PBX3: variants seen among roughly 807,000 people sequenced by gnomAD.
PBX3 encodes pre-B-cell leukemia transcription factor 3.
A neutral mutation model predicts 48.5 loss-of-function variants in PBX3; 14 were observed. The observed-to-expected ratio is 0.29, with a 90% CI of 0.19 to 0.45. PBX3 has a LOEUF of 0.45. PBX3 is among the 20% of genes least tolerant of loss of function. The probability of loss-of-function intolerance (pLI) is 1.00; values close to 1 mark genes in which losing one functional copy is unlikely to be tolerated. For missense variants in PBX3, 386 were observed against 546.7 expected (o/e 0.71, Z 2.93); for synonymous variants, 210 against 200.3 (o/e 1.05, Z -0.41).
Position 125,915,793 on chromosome 9 carries a change from G to C in PBX3, c.382G>C (p.Gly128Arg). The C allele has an allele frequency of 1.2e-6, 2 of 1,613,776 alleles. No homozygotes were observed. Among genetic ancestry groups the C allele is most frequent in the Non-Finnish European group, 1.7e-6 (2 of 1,179,950 alleles). ...GGTTTCAGGTCCTGAGAAAGGTGGG[G>C]GATCGGCGGCAGCAGCTGCAGCCGC... ...EGVSGPEKGG[G>R]SAAAAAAAAA... is the part of the protein sequence containing the mutation. The change falls in exon 3 of 9, where the codon GGA becomes CGA. Residue 128 changes from glycine (G) to arginine (R), a missense_variant. Physicochemically the swap from Gly to Arg is moderately radical, Grantham distance 125. Around this residue, in one of 4 missense-constraint regions of PBX3, gnomAD observed 69 missense variants for 99.1 expected, o/e 0.70. Coordinates refer to ENST00000373489, the MANE Select transcript of PBX3 (RefSeq NM_006195.6).
At position 125,840,781 on chromosome 9, in the gene PBX3, TTTC is replaced by T. The variant is rs555946375; in HGVS notation, c.275-74896_275-74894del. ...GTTTATGTTACAGAGTTATTTCTTCTTTCTTCTTCTTTCCTTTGAACCTCATTC... is the reference window on the plus strand; with the variant it reads ...GTTTATGTTACAGAGTTATTTCTTCTTTCTTCTTTCCTTTGAACCTCATTC... On this transcript the variant is annotated intron_variant, in intron 2 of 8. Transcript: ENST00000373489. 1.4e-3 allele frequency among the ~76,000 whole-genome samples: 216 copies of T among 152,166 alleles called. 2 individuals are homozygous for T. Among genetic ancestry groups the T allele is most frequent in the Non-Finnish European group, 2.2e-3 (152 of 67,940 alleles).
chr9:125,889,087 T>G (rs1443581842), intron 2 of PBX3, among the ~76,000 whole-genome samples: 3 of 152,158 alleles, frequency 2.0e-5, no homozygotes, highest in Non-Finnish European at 4.4e-5. Flanking sequence ...GGCCTTAACG[T>G]AATTTGGAAG....
intron 2 of PBX3, among the ~76,000 whole-genome samples, chr9:125,884,573 GC>G (rs1840455460): frequency 6.6e-6 from 1 of 152,168 alleles, no homozygotes; most frequent in Admixed American, 6.5e-5. Context: ...ATTACTAGTT[GC>G]CTTTCCCAGT....
intron 2 of PBX3, among the ~76,000 whole-genome samples, chr9:125,846,954 C>G (rs972472831): frequency 6.6e-6 from 1 of 151,354 alleles, no homozygotes; most frequent in African/African-American, 2.4e-5. Flanking sequence ...GTTGCTTGTC[C>G]TGTAAGTTCC....
At chr9:125,808,855 A>G (rs995895171) in intron 2 of PBX3, among the ~76,000 whole-genome samples, 2 of 152,142 alleles carry the variant, frequency 1.3e-5, no homozygotes, top group African/African-American at 4.8e-5. Flanking sequence ...TTGTTGATTC[A>G]TTAACATTGA....
chr9:125,914,955 C>G (rs991272219), intron 2 of PBX3, among the ~76,000 whole-genome samples: 3 of 152,178 alleles, frequency 2.0e-5, no homozygotes, highest in African/African-American at 2.4e-5. Flanking sequence ...TTAGGAAGTT[C>G]TTGATTTAAA....
At chr9:125,803,125 G>A (rs1203387872) in intron 2 of PBX3, among the ~76,000 whole-genome samples, 4 of 112,148 alleles carry the variant, frequency 3.6e-5, no homozygotes, top group African/African-American at 7.3e-5. Context: ...TCAGAGTCTC[G>A]CTGTGTCGCC....
chr9:125,867,787 T>C (rs1026511627), intron 2 of PBX3, among the ~76,000 whole-genome samples: 5 of 151,742 alleles, frequency 3.3e-5, no homozygotes, highest in African/African-American at 7.3e-5. Flanking sequence ...TACACACATA[T>C]ACACACACAT....
intron 3 of PBX3, among the ~76,000 whole-genome samples, chr9:125,922,590 ATATATCT>A (rs1201318154): frequency 1.3e-5 from 2 of 152,220 alleles, no homozygotes; most frequent in African/African-American, 2.4e-5. Flanking sequence ...GTCTATTTTA[ATATATCT>A]TATAGACATG....
At chr9:125,786,331 T>C (rs1445226846) in intron 2 of PBX3, among the ~76,000 whole-genome samples, 1 of 151,950 alleles carries the variant, frequency 6.6e-6, no homozygotes, top group Admixed American at 6.6e-5. Flanking sequence ...CATAGATGAG[T>C]TCACAGTAGA....
chr9:125,932,124 A>T (rs575630022), intron 4 of PBX3, among the ~76,000 whole-genome samples: 3 of 152,132 alleles, frequency 2.0e-5, no homozygotes, highest in Non-Finnish European at 4.4e-5. Context: ...CTCCCACAAC[A>T]AACTGTCTCT....
At chr9:125,779,412 G>T (rs1837177134) in intron 2 of PBX3, among the ~76,000 whole-genome samples, 1 of 135,826 alleles carries the variant, frequency 7.4e-6, no homozygotes, top group Non-Finnish European at 1.6e-5. Flanking sequence ...GCGGCCTTCC[G>T]CAGTGTTTGT....
chr9:125,902,262 G>A (rs1310281494), intron 2 of PBX3, among the ~76,000 whole-genome samples: 1 of 151,680 alleles, frequency 6.6e-6, no homozygotes, highest in Non-Finnish European at 1.5e-5. Context: ...TTTAACAAAT[G>A]TATGATTAGA....
chr9:125,777,811 T>A (rs1226232512), intron 2 of PBX3, among the ~76,000 whole-genome samples: 2 of 152,194 alleles, frequency 1.3e-5, no homozygotes, highest in Non-Finnish European at 2.9e-5. Flanking sequence ...TAAGGTAATT[T>A]GTGTGTTTCA....
At chr9:125,811,307 G>A (rs1241399067) in intron 2 of PBX3, among the ~76,000 whole-genome samples, 1 of 152,184 alleles carries the variant, frequency 6.6e-6, no homozygotes, top group Non-Finnish European at 1.5e-5. Context: ...TGAAGGCAGG[G>A]AAGTGCAGGA....
At chr9:125,961,675 A>G (rs931709356) in intron 6 of PBX3, among the ~76,000 whole-genome samples, 3 of 152,146 alleles carry the variant, frequency 2.0e-5, no homozygotes, top group Non-Finnish European at 2.9e-5. Context: ...AGGGAGGTAT[A>G]TGCATAGCGA....
At chr9:125,833,454 A>G (rs1471698322) in intron 2 of PBX3, among the ~76,000 whole-genome samples, 1 of 151,794 alleles carries the variant, frequency 6.6e-6, no homozygotes, top group Non-Finnish European at 1.5e-5. Flanking sequence ...ATGCCACTGC[A>G]CTCCAGCCTG....
At chr9:125,783,272 C>T (rs144935595) in intron 2 of PBX3, among the ~76,000 whole-genome samples, 15 of 152,056 alleles carry the variant, frequency 9.9e-5, no homozygotes, top group African/African-American at 3.4e-4. Context: ...CTCTTAGGCT[C>T]TTTTCATTTT....
At position 125,783,291 on chromosome 9, in the gene PBX3, T is replaced by G. The variant is rs149068092; in HGVS notation, c.274+34668T>G. Among the ~76,000 whole-genome samples, 96 of 152,224 alleles carry G rather than the reference T, an allele frequency of 6.3e-4. 2 individuals are homozygous for G. The East Asian group carries it at 0.014, about 22-fold the overall frequency. On this transcript the variant is annotated intron_variant, in intron 2 of 8. Coordinates refer to ENST00000373489, the MANE Select transcript of PBX3 (RefSeq NM_006195.6). Reference sequence around the variant, plus strand: ...TAGGCTCTTTTCATTTTCCTTCTATTCTTTTTCTTTTTTTGAGGGGAGTTT... The same window carrying G: ...TAGGCTCTTTTCATTTTCCTTCTATGCTTTTTCTTTTTTTGAGGGGAGTTT...
Sources: allele counts gnomAD v4.1 joint callset (sites outside exome capture counted in the v4.1 genomes callset), GRCh38; gene constraint gnomAD v4.1.1; regional missense constraint gnomAD v4.1.1; transcripts MANE v1.5; gene names NCBI Gene and HGNC (gene_info 2026-07-23, HGNC 2026-07-21).